The following TCF7L2 variants were observed in gnomAD, a reference collection of about 807,000 sequenced individuals.
TCF7L2 encodes the protein transcription factor 7-like 2.
Under a neutral mutation model 77.9 loss-of-function variants are expected in TCF7L2, and 23 were observed. That is an observed-to-expected ratio of 0.30 (90% confidence interval 0.21 to 0.42). TCF7L2 has a LOEUF of 0.42. Among genes scored for constraint, TCF7L2 ranks in the 10% least tolerant of loss-of-function variants. TCF7L2 has a pLI of 1.00. For synonymous variants in TCF7L2, 413 were observed against 340.2 expected, an observed-to-expected ratio of 1.21 and a Z score of -2.36; for missense variants, 654 against 793.1, an observed-to-expected ratio of 0.82 and a Z score of 2.11.
intron 5 of TCF7L2, among the ~76,000 whole-genome samples, chr10:113,118,520 GGTGTGTGT>G (rs34806588): frequency 1.7e-4 from 24 of 141,524 alleles, no homozygotes; most frequent in Non-Finnish European, 2.9e-4. Context: ...TCATCTGGGG[GGTGTGTGT>G]GTGTGTGTGT....
At chr10:112,959,560 G>T (rs191020287) in intron 3 of TCF7L2, among the ~76,000 whole-genome samples, 128 of 152,320 alleles carry the variant, frequency 8.4e-4, no homozygotes, top group African/African-American at 2.9e-3. Flanking sequence ...GGATGCTGTC[G>T]TTAAGTTATT....
chr10:113,117,416 TC>T (rs2063931424), intron 5 of TCF7L2, among the ~76,000 whole-genome samples: 5 of 42,784 alleles, frequency 1.2e-4, no homozygotes, highest in African/African-American at 5.1e-4. Flanking sequence ...TCTCTCTCTC[TC>T]TCTCTCTCTC....
At chr10:112,992,374 G>C (rs1265956129) in intron 4 of TCF7L2, among the ~76,000 whole-genome samples, 1 of 152,166 alleles carries the variant, frequency 6.6e-6, no homozygotes, top group Non-Finnish European at 1.5e-5. Context: ...CATGCCCTCC[G>C]GGAGACACCC....
At chr10:112,962,691 T>C (rs925863327) in intron 3 of TCF7L2, among the ~76,000 whole-genome samples, 1 of 152,162 alleles carries the variant, frequency 6.6e-6, no homozygotes, top group Non-Finnish European at 1.5e-5. Flanking sequence ...TTCTGCCTCC[T>C]GGGTCCAAGC....
chr10:113,004,917 G>T (rs926152834), intron 4 of TCF7L2, among the ~76,000 whole-genome samples: 1 of 151,998 alleles, frequency 6.6e-6, no homozygotes, highest in Non-Finnish European at 1.5e-5. Context: ...CAGGCAATCC[G>T]CCCGCCTCGG....
chr10:113,084,258 G>T (rs2059598791), intron 5 of TCF7L2, among the ~76,000 whole-genome samples: 1 of 152,226 alleles, frequency 6.6e-6, no homozygotes, highest in Non-Finnish European at 1.5e-5. Flanking sequence ...GGAAGCTGGA[G>T]ACCCAGGAGA....
At chr10:113,082,764 G>A (rs185831776) in intron 5 of TCF7L2, among the ~76,000 whole-genome samples, 15 of 152,160 alleles carry the variant, frequency 9.9e-5, no homozygotes, top group Non-Finnish European at 1.5e-4. Context: ...TAACAAACCC[G>A]CCCCTCTGTG....
intron 5 of TCF7L2, among the ~76,000 whole-genome samples, chr10:113,054,740 A>G (rs1026421790): frequency 6.6e-6 from 1 of 152,140 alleles, no homozygotes; most frequent in Non-Finnish European, 1.5e-5. Context: ...ATACTTTTCG[A>G]CATCTATTTA....
chr10:113,156,103 G>GTTTC (rs1232177112), intron 11 of TCF7L2, among the ~76,000 whole-genome samples: 1 of 145,520 alleles, frequency 6.9e-6, no homozygotes, highest in Non-Finnish European at 1.5e-5. Flanking sequence ...GTGTTCTCGA[G>GTTTC]TTTCTTTCTT....
rs78705955 is a variant in TCF7L2, at chr10:113,143,548, G to A, written c.686-375G>A. ...AGGCATGAAACTCCGCAGGGTGAAG[G>A]GCCAGAGTTGTAAGAGCAACAGGGA... is the stretch of plus-strand genomic sequence containing the variant. On this transcript the variant is annotated intron_variant, in intron 6 of 13. Transcript: ENST00000627217. Among the ~76,000 whole-genome samples the A allele has an allele frequency of 2.6e-5, 4 of 152,278 alleles. No homozygotes were observed. The East Asian group carries it at 5.8e-4, about 22-fold the overall frequency.
chr10:113,088,186 G>A (rs1052393328), intron 5 of TCF7L2, among the ~76,000 whole-genome samples: 2 of 151,652 alleles, frequency 1.3e-5, no homozygotes, highest in African/African-American at 4.8e-5. Flanking sequence ...TTGTGAAATC[G>A]CCCTTCTTGG....
chr10:113,015,852 C>A (rs1306410720), intron 4 of TCF7L2, among the ~76,000 whole-genome samples: 1 of 152,126 alleles, frequency 6.6e-6, no homozygotes, highest in South Asian at 2.1e-4. Context: ...AGTAACGTAA[C>A]GTGTGCTTCA....
chr10:113,057,250 A>C (rs11196211), intron 5 of TCF7L2, among the ~76,000 whole-genome samples: 34,463 of 152,164 alleles, frequency 0.23, 4,415 homozygotes, highest in Middle Eastern at 0.33. Context: ...TACTTCTGCA[A>C]CTTCAGCCTC....
chr10:113,151,968 G>T lies in TCF7L2; in HGVS notation c.1161+84G>T, dbSNP rs2070828248. ...GCAGGTCAGGTGGCAGAATGTCTCT[G>T]TCCCCATTTCTTTGGAGAATTCTTG... On this transcript the variant is annotated intron_variant, in intron 10 of 13. Coordinates refer to ENST00000627217, the MANE Select transcript of TCF7L2 (RefSeq NM_001146274.2). The surrounding 1 kb of genome is among the most constrained non-coding windows in gnomAD (Gnocchi z 5.2). 2 of 1,510,016 alleles carry T rather than the reference G, an allele frequency of 1.3e-6. No homozygotes were observed. The highest frequency in any genetic ancestry group is 2.8e-5 in the African/African-American group (2 of 71,472). The allele number at this position is 1,510,016 out of a possible 1,614,324, so 93.5% of individuals were successfully genotyped here. A position where few individuals can be genotyped will look rare whatever the true frequency, so the allele number is the denominator to read the frequency against.
At chr10:113,134,817 G>T (rs2067160042) in intron 5 of TCF7L2, among the ~76,000 whole-genome samples, 2 of 152,168 alleles carry the variant, frequency 1.3e-5, no homozygotes, top group Non-Finnish European at 1.5e-5. Flanking sequence ...GACCCCCAAA[G>T]ACCTTCCATG....
intron 5 of TCF7L2, among the ~76,000 whole-genome samples, chr10:113,067,386 G>A (rs1244999448): frequency 1.3e-5 from 2 of 152,216 alleles, no homozygotes; most frequent in Admixed American, 6.5e-5. Flanking sequence ...ATTGACTAAT[G>A]TCAGATTAAT....
chr10:112,970,516 C>T lies in TCF7L2; in HGVS notation c.450+5892C>T, dbSNP rs35296735. ...TATTCCTGGATGTGAACTGGATGTT[C>T]AGTCTTGTCCGTGTCTTAACATTGT... On this transcript the variant is annotated intron_variant, in intron 4 of 13. Transcript: ENST00000627217. Among the ~76,000 whole-genome samples, 636 of 151,982 alleles carry T rather than the reference C, an allele frequency of 4.2e-3. 3 individuals carry two copies. Among genetic ancestry groups the T allele is most frequent in the Non-Finnish European group, 7.1e-3 (481 of 68,010 alleles).
intron 5 of TCF7L2, among the ~76,000 whole-genome samples, chr10:113,078,518 C>T (rs1056206385): frequency 4.6e-5 from 7 of 152,134 alleles, no homozygotes; most frequent in South Asian, 2.1e-4. Flanking sequence ...GCTGAGACTA[C>T]AGTCATGTGC....
chr10:112,973,222 G>A (rs560504090), intron 4 of TCF7L2, among the ~76,000 whole-genome samples: 3 of 152,318 alleles, frequency 2.0e-5, no homozygotes, highest in African/African-American at 7.2e-5. Context: ...AGCTTGGAAC[G>A]GGTCCTGACA....
Sources: allele counts gnomAD v4.1 joint callset (sites outside exome capture counted in the v4.1 genomes callset), GRCh38; gene constraint gnomAD v4.1.1; non-coding constraint Gnocchi (gnomAD v3.1); transcripts MANE v1.5; gene names NCBI Gene and HGNC (gene_info 2026-07-23, HGNC 2026-07-21).